The following GRID1 variants were observed in gnomAD, a reference collection of about 807,000 sequenced individuals.
The protein encoded by GRID1 is glutamate receptor ionotropic, delta-1.
Under a neutral mutation model 98.0 loss-of-function variants are expected in GRID1, and 28 were observed. That is an observed-to-expected ratio of 0.29 (90% CI 0.21 to 0.39). The LOEUF (loss-of-function observed/expected upper bound fraction) is 0.39, where lower values mean the gene tolerates loss of function less well. Ranked by LOEUF, GRID1 falls within the 10% of genes least tolerant of loss-of-function variation. The pLI, the probability that GRID1 is intolerant of heterozygous loss-of-function variation, is 1.00. For synonymous variants in GRID1, 553 were observed against 538.5 expected (o/e 1.03, Z -0.37); for missense variants, 1,111 against 1,340.5 (o/e 0.83, Z 2.67).
At chr10:85,708,476 C>CTTT (rs1486704471) in intron 12 of GRID1, among the ~76,000 whole-genome samples, 2 of 151,730 alleles carry the variant, frequency 1.3e-5, no homozygotes, top group Non-Finnish European at 2.9e-5. Context: ...AGAGAAATAC[C>CTTT]TAAAGCACAA....
chr10:86,335,662 C>T (rs1324574267), intron 2 of GRID1, among the ~76,000 whole-genome samples: 1 of 152,230 alleles, frequency 6.6e-6, no homozygotes, highest in African/African-American at 2.4e-5. Context: ...CATGAGGTCT[C>T]TCTCATTCAC....
intron 15 of GRID1, 98 bp from the exon 16 acceptor site, chr10:85,602,799 G>T: frequency 2.4e-6 from 2 of 833,426 alleles, no homozygotes; most frequent in Non-Finnish European, 1.9e-6. Context: ...GGCCTGGTCA[G>T]CCTGTTGGGC....
chr10:86,013,730 C>T (rs1485582397), intron 4 of GRID1, among the ~76,000 whole-genome samples: 1 of 152,184 alleles, frequency 6.6e-6, no homozygotes, highest in Non-Finnish European at 1.5e-5. Context: ...AGAAGAACAT[C>T]ATGCTAGTCT....
At chr10:85,943,943 G>A (rs1185090866) in intron 4 of GRID1, among the ~76,000 whole-genome samples, 2 of 152,234 alleles carry the variant, frequency 1.3e-5, no homozygotes, top group Non-Finnish European at 2.9e-5. Context: ...AACCTGAGCA[G>A]AGACTTTAAA....
intron 3 of GRID1, among the ~76,000 whole-genome samples, chr10:86,140,427 T>C (rs1479136552): frequency 2.0e-5 from 3 of 152,350 alleles, no homozygotes; most frequent in Non-Finnish European, 2.9e-5. Context: ...TTGCAAACTT[T>C]CTGGTATACA....
chr10:85,750,387 C>T (rs1252325720), intron 8 of GRID1, among the ~76,000 whole-genome samples: 1 of 152,152 alleles, frequency 6.6e-6, no homozygotes. Flanking sequence ...ATTTTAAGAG[C>T]AAGGCTTCTG....
chr10:85,945,402 C>A (rs564877438), intron 4 of GRID1, among the ~76,000 whole-genome samples: 1 of 151,554 alleles, frequency 6.6e-6, no homozygotes, highest in East Asian at 1.9e-4. Context: ...TAATTCAAAG[C>A]CTGCTTCCAG....
At chr10:85,828,455 G>A (rs1842839238) in intron 8 of GRID1, among the ~76,000 whole-genome samples, 1 of 151,998 alleles carries the variant, frequency 6.6e-6, no homozygotes, top group African/African-American at 2.4e-5. Context: ...GAGCTGCACT[G>A]AATGAAACCG....
chr10:86,157,156 G>A (rs1439623849), intron 3 of GRID1, among the ~76,000 whole-genome samples: 7 of 152,162 alleles, frequency 4.6e-5, no homozygotes, highest in East Asian at 1.9e-4. Flanking sequence ...TGGAAGCTAC[G>A]AGTTCTGATG....
chr10:86,194,834 A>G (rs1390111383), intron 3 of GRID1, among the ~76,000 whole-genome samples: 1 of 151,802 alleles, frequency 6.6e-6, no homozygotes, highest in African/African-American at 2.4e-5. Flanking sequence ...GGCCTCCCCC[A>G]GCTCTGCTAC....
intron 4 of GRID1, among the ~76,000 whole-genome samples, chr10:86,097,015 T>C (rs1330178559): frequency 6.6e-6 from 1 of 152,234 alleles, no homozygotes; most frequent in African/African-American, 2.4e-5. Flanking sequence ...AAAGGGACTG[T>C]CCTTGGGCAA....
intron 2 of GRID1, among the ~76,000 whole-genome samples, chr10:86,268,417 AGGACCGTCCGTGAT>A (rs1342342363): frequency 2.6e-5 from 4 of 152,252 alleles, no homozygotes; most frequent in African/African-American, 9.6e-5. Flanking sequence ...AGCATAGCCC[AGGACCGTCCGTGAT>A]GGACATGCAG....
At chr10:85,887,340 C>T (rs1354002026) in intron 5 of GRID1, among the ~76,000 whole-genome samples, 1 of 152,190 alleles carries the variant, frequency 6.6e-6, no homozygotes, top group Non-Finnish European at 1.5e-5. Context: ...GTCATCCTGA[C>T]CAGAGGCACA....
intron 8 of GRID1, among the ~76,000 whole-genome samples, chr10:85,735,039 T>A (rs1651558894): frequency 6.6e-6 from 1 of 152,170 alleles, no homozygotes; most frequent in Non-Finnish European, 1.5e-5. Context: ...GCTTGATAAG[T>A]GGGAAGCCAG....
chr10:85,940,645 AT>A (rs780727217), intron 4 of GRID1, among the ~76,000 whole-genome samples: 7 of 152,226 alleles, frequency 4.6e-5, no homozygotes, highest in Admixed American at 1.3e-4. Flanking sequence ...TGCTTCCATA[AT>A]AACTCATCCA....
At chr10:85,931,520 A>G (rs927552342) in intron 4 of GRID1, among the ~76,000 whole-genome samples, 2 of 151,976 alleles carry the variant, frequency 1.3e-5, no homozygotes, top group Non-Finnish European at 2.9e-5. Context: ...CTTTACTTCA[A>G]TTGAACTTTT....
chr10:85,767,195 T>C (rs997967337), intron 8 of GRID1, among the ~76,000 whole-genome samples: 10 of 152,232 alleles, frequency 6.6e-5, no homozygotes, highest in African/African-American at 1.9e-4. Context: ...ATTTCCCTTT[T>C]TACTTTGACC....
intron 4 of GRID1, among the ~76,000 whole-genome samples, chr10:86,058,818 G>A (rs2131911430): frequency 6.6e-6 from 1 of 152,364 alleles, no homozygotes; most frequent in South Asian, 2.1e-4. Flanking sequence ...TCACAGCTGT[G>A]AAGGGACACC....
At chr10:85,835,698 AT>A (rs1337452187) in intron 8 of GRID1, among the ~76,000 whole-genome samples, 9 of 152,236 alleles carry the variant, frequency 5.9e-5, no homozygotes, top group African/African-American at 2.2e-4. Context: ...TAATTGACAC[AT>A]ATAGAACATT....
Sources: gnomAD v4.1 joint callset for allele counts (sites outside exome capture counted in the v4.1 genomes callset) on GRCh38, gnomAD v4.1.1 for gene constraint, MANE v1.5 for transcripts, NCBI Gene and HGNC (gene_info 2026-07-23, HGNC 2026-07-21) for gene names.